The following BICD1 variants were observed in gnomAD, a reference collection of about 807,000 sequenced individuals.
BICD1 encodes the protein BICD cargo adaptor 1.
Under a neutral mutation model 92.5 loss-of-function variants are expected in BICD1, and 35 were observed. The observed-to-expected ratio is 0.38, with a 90% CI of 0.29 to 0.50. The LOEUF (loss-of-function observed/expected upper bound fraction) is 0.50, where lower values mean the gene tolerates loss of function less well. Among genes scored for constraint, BICD1 ranks in the 20% least tolerant of loss-of-function variants. BICD1 has a pLI of 0.93. For missense variants in BICD1, 950 were observed against 1,189.8 expected (o/e 0.80, Z 2.97); for synonymous variants, 429 against 465.1 (o/e 0.92, Z 1.00).
At chr12:32,127,117 CT>C (rs1942374887) in intron 1 of BICD1, among the ~76,000 whole-genome samples, 1 of 152,084 alleles carries the variant, frequency 6.6e-6, no homozygotes, top group East Asian at 1.9e-4. Flanking sequence ...TCTTTTTACT[CT>C]TTCTGTGGTA....
chr12:32,123,710 C>CT (rs930575587), intron 1 of BICD1, among the ~76,000 whole-genome samples: 8 of 152,248 alleles, frequency 5.3e-5, no homozygotes, highest in Admixed American at 5.2e-4. Context: ...AACCCCATCT[C>CT]TATTAAAAAT....
At chr12:32,240,990 T>C (rs993275649) in intron 2 of BICD1, among the ~76,000 whole-genome samples, 3 of 152,178 alleles carry the variant, frequency 2.0e-5, no homozygotes, top group Admixed American at 2.0e-4. Flanking sequence ...CCTTCCTGCC[T>C]GGGGCCAGTC....
chr12:32,132,111 G>C (rs1359912455), intron 1 of BICD1, among the ~76,000 whole-genome samples: 1 of 152,070 alleles, frequency 6.6e-6, no homozygotes, highest in Non-Finnish European at 1.5e-5. Context: ...AAAAGTAACA[G>C]TAAGTGTAAA....
At chr12:32,225,650 T>G (rs1348578800) in intron 2 of BICD1, among the ~76,000 whole-genome samples, 1 of 143,568 alleles carries the variant, frequency 7.0e-6, no homozygotes, top group Non-Finnish European at 1.5e-5. Flanking sequence ...TTAGACGGAG[T>G]TTTGCTCTTG....
At chr12:32,175,820 T>C (rs147120742) in intron 1 of BICD1, among the ~76,000 whole-genome samples, 71 of 152,340 alleles carry the variant, frequency 4.7e-4, no homozygotes, top group Admixed American at 1.5e-3. Context: ...CGATAGATGT[T>C]CAGGTTTAGA....
chr12:32,371,672 C>T (rs1939745005), intron 9 of BICD1, among the ~76,000 whole-genome samples: 1 of 152,128 alleles, frequency 6.6e-6, no homozygotes, highest in Non-Finnish European at 1.5e-5. Flanking sequence ...ACTGGCACCT[C>T]CACCTCCTGG....
chr12:32,298,880 A>G (rs1406810792), intron 3 of BICD1, among the ~76,000 whole-genome samples: 1 of 151,842 alleles, frequency 6.6e-6, no homozygotes, highest in Non-Finnish European at 1.5e-5. Flanking sequence ...CAAAAAAAAA[A>G]AAAAAAAAAG....
In BICD1 at chr12:32,380,199, G is replaced by T. The variant is rs1940131754; in HGVS notation, c.*2572G>T. ...AGAGAATACCATGTATTTACACTGT[G>T]GCATCATTTAGTATAGTTTACACTG... is the stretch of plus-strand genomic sequence containing the variant. On this transcript the variant is annotated 3_prime_UTR_variant, in exon 10 of 10. Transcript: ENST00000652176. The T allele has an allele frequency of 6.6e-6, 1 of 152,112 alleles. No individual in the cohort carries two copies. Among genetic ancestry groups the T allele is most frequent in the African/African-American group, 2.4e-5 (1 of 41,432 alleles). The allele number at this position is 152,112 out of a possible 1,614,324, so 9.4% of individuals were successfully genotyped here. A position where few individuals can be genotyped will look rare whatever the true frequency, so the allele number is the denominator to read the frequency against.
At chr12:32,200,975 A>G (rs1304061967) in intron 1 of BICD1, among the ~76,000 whole-genome samples, 1 of 152,220 alleles carries the variant, frequency 6.6e-6, no homozygotes, top group Non-Finnish European at 1.5e-5. Flanking sequence ...CCTATATCCT[A>G]GTCACAACTG....
chr12:32,275,702 C>T (rs1422961398), intron 2 of BICD1, among the ~76,000 whole-genome samples: 2 of 150,834 alleles, frequency 1.3e-5, no homozygotes, highest in Admixed American at 1.3e-4. Context: ...TCGCCGCTGA[C>T]TCCCATCCCT....
chr12:32,188,240 C>G (rs1386209425), intron 1 of BICD1, among the ~76,000 whole-genome samples: 1 of 152,110 alleles, frequency 6.6e-6, no homozygotes, highest in African/African-American at 2.4e-5. Context: ...GCCTGGCCAA[C>G]TATAAATGCA....
At chr12:32,252,420 T>G (rs1946591693) in intron 2 of BICD1, among the ~76,000 whole-genome samples, 1 of 151,804 alleles carries the variant, frequency 6.6e-6, no homozygotes, top group Admixed American at 6.6e-5. Context: ...ACAAGTCGGA[T>G]AGTGGGAGCA....
At chr12:32,147,589 G>C (rs941363756) in intron 1 of BICD1, among the ~76,000 whole-genome samples, 2 of 152,034 alleles carry the variant, frequency 1.3e-5, no homozygotes, top group African/African-American at 4.8e-5. Context: ...CATCTTCAAG[G>C]CTCCTTCAGA....
At chr12:32,254,483 C>A (rs555921789) in intron 2 of BICD1, among the ~76,000 whole-genome samples, 1 of 152,352 alleles carries the variant, frequency 6.6e-6, no homozygotes, top group South Asian at 2.1e-4. Flanking sequence ...AAATTTAAAT[C>A]TCTTAACAGG....
At chr12:32,222,428 A>G (rs531928736) in intron 2 of BICD1, among the ~76,000 whole-genome samples, 3 of 152,228 alleles carry the variant, frequency 2.0e-5, no homozygotes, top group South Asian at 4.2e-4. Context: ...TATTTTACTG[A>G]TGGGGCACGT....
chr12:32,364,027 TCATCAC>T (rs1332057635), intron 8 of BICD1, among the ~76,000 whole-genome samples: 54 of 151,978 alleles, frequency 3.6e-4, no homozygotes, highest in African/African-American at 1.0e-3. Flanking sequence ...ATCACCACCA[TCATCAC>T]CATCACCATC....
chr12:32,245,378 A>G (rs1268786475), intron 2 of BICD1, among the ~76,000 whole-genome samples: 1 of 152,164 alleles, frequency 6.6e-6, no homozygotes, highest in East Asian at 1.9e-4. Flanking sequence ...TTTAAGCTCA[A>G]TTCAAGTGAC....
chr12:32,122,576 AT>A (rs2121239538), intron 1 of BICD1, among the ~76,000 whole-genome samples: 2 of 152,068 alleles, frequency 1.3e-5, no homozygotes, highest in South Asian at 4.1e-4. Context: ...TACTGTAGTT[AT>A]TTCCAGTCAT....
intron 8 of BICD1, among the ~76,000 whole-genome samples, chr12:32,365,089 T>C (rs1160364385): frequency 3.9e-5 from 6 of 151,990 alleles, no homozygotes; most frequent in African/African-American, 1.4e-4. Flanking sequence ...TACAAACAAT[T>C]AGCTGGGCGT....
Sources: allele counts gnomAD v4.1 joint callset (sites outside exome capture counted in the v4.1 genomes callset), GRCh38; gene constraint gnomAD v4.1.1; transcripts MANE v1.5; gene names NCBI Gene and HGNC (gene_info 2026-07-23, HGNC 2026-07-21).